Variants in LRRTM4 observed in about 807,000 individuals in gnomAD.
The protein encoded by LRRTM4 is leucine-rich repeat transmembrane neuronal protein 4.
Under a neutral mutation model 47.6 loss-of-function variants are expected in LRRTM4, and 25 were observed. That is an observed-to-expected ratio of 0.53 (90% CI 0.38 to 0.73). LRRTM4 has a LOEUF of 0.73. Ranked by LOEUF, LRRTM4 falls within the 30% of genes least tolerant of loss-of-function variation. The pLI is 0.00. For missense variants in LRRTM4, 638 were observed against 713.4 expected, an observed-to-expected ratio of 0.89 and a Z score of 1.20; for synonymous variants, 311 against 269.5, an observed-to-expected ratio of 1.15 and a Z score of -1.51.
At chr2:77,361,640 G>T (rs1017196104) in intron 3 of LRRTM4, among the ~76,000 whole-genome samples, 1 of 152,040 alleles carries the variant, frequency 6.6e-6, no homozygotes, top group Non-Finnish European at 1.5e-5. Context: ...ACTATGCCTG[G>T]TATAAACTAG....
intron 3 of LRRTM4, among the ~76,000 whole-genome samples, chr2:77,018,103 C>G (rs551157507): frequency 6.6e-6 from 1 of 151,600 alleles, no homozygotes; most frequent in Non-Finnish European, 1.5e-5. Context: ...ATTGAAAGTA[C>G]TATTTTTCCT....
intron 3 of LRRTM4, among the ~76,000 whole-genome samples, chr2:77,438,437 C>G (rs963637908): frequency 6.5e-5 from 8 of 123,938 alleles, no homozygotes; most frequent in Admixed American, 9.3e-5. Flanking sequence ...GATGGAGTCT[C>G]GCTCTGTCGC....
intron 3 of LRRTM4, among the ~76,000 whole-genome samples, chr2:77,133,034 A>T (rs759481392): frequency 3.9e-5 from 6 of 152,188 alleles, no homozygotes; most frequent in Admixed American, 3.3e-4. Context: ...TCTATTTCCC[A>T]GTAAATATCT....
rs528281670 is a variant in LRRTM4 at position 76,893,617 on chromosome 2, T to TCC, written c.1552-144703_1552-144702dup. 1.1e-3 allele frequency among the ~76,000 whole-genome samples: 174 copies of TCC among 151,928 alleles called. 1 individual carries two copies. The highest frequency in any genetic ancestry group is 3.9e-3 in the African/African-American group (164 of 41,526). On this transcript the variant is annotated intron_variant, in intron 3 of 3. Coordinates refer to ENST00000409884, the MANE Select transcript of LRRTM4 (RefSeq NM_001134745.3). ...TCTCCTACAGTTAAGACATGCATCT[T>TCC]CCAAGAATCTAATGAAAACACTTGG...
intron 3 of LRRTM4, among the ~76,000 whole-genome samples, chr2:77,087,354 C>T (rs1248464693): frequency 6.6e-6 from 1 of 152,192 alleles, no homozygotes; most frequent in African/African-American, 2.4e-5. Context: ...AAATCTCACC[C>T]ATAAAAATCT....
intron 3 of LRRTM4, among the ~76,000 whole-genome samples, chr2:76,851,911 CACTT>C (rs769943757): frequency 2.8e-4 from 43 of 152,110 alleles, no homozygotes; most frequent in African/African-American, 6.0e-4. Context: ...ACACAGGAAA[CACTT>C]ACGAGCAAAT....
intron 3 of LRRTM4, among the ~76,000 whole-genome samples, chr2:76,997,060 G>A (rs1182431045): frequency 6.6e-6 from 1 of 152,088 alleles, no homozygotes; most frequent in Admixed American, 6.6e-5. Flanking sequence ...TTTATGCAGA[G>A]CTAGATTTTT....
chr2:77,334,636 C>G (rs2104259557), intron 3 of LRRTM4, among the ~76,000 whole-genome samples: 1 of 152,292 alleles, frequency 6.6e-6, no homozygotes, highest in Admixed American at 6.5e-5. Flanking sequence ...CAATAAATCT[C>G]TGTTTTTTGG....
chr2:76,964,800 A>G (rs991588923), intron 3 of LRRTM4, among the ~76,000 whole-genome samples: 3 of 150,888 alleles, frequency 2.0e-5, no homozygotes, highest in African/African-American at 7.3e-5. Context: ...ATAAAAAACA[A>G]TTAATAAAGA....
At chr2:77,207,423 G>A (rs931510629) in intron 3 of LRRTM4, among the ~76,000 whole-genome samples, 1 of 134,062 alleles carries the variant, frequency 7.5e-6, no homozygotes, top group African/African-American at 2.9e-5. Flanking sequence ...ATTTCATTTT[G>A]TTTTCTTACC....
At chr2:77,327,255 TA>T (rs1156724431) in intron 3 of LRRTM4, among the ~76,000 whole-genome samples, 1 of 152,184 alleles carries the variant, frequency 6.6e-6, no homozygotes, top group East Asian at 1.9e-4. Context: ...GTATAAAATA[TA>T]AAAATGCTAT....
intron 3 of LRRTM4, among the ~76,000 whole-genome samples, chr2:77,099,587 A>T (rs1670898254): frequency 6.6e-6 from 1 of 151,440 alleles, no homozygotes; most frequent in Non-Finnish European, 1.5e-5. Context: ...AATAGAGCTT[A>T]TAATGTTTTA....
At chr2:76,906,447 A>G (rs1442417330) in intron 3 of LRRTM4, among the ~76,000 whole-genome samples, 1 of 152,132 alleles carries the variant, frequency 6.6e-6, no homozygotes, top group Non-Finnish European at 1.5e-5. Flanking sequence ...ACTAACGAGC[A>G]AAATAACCAG....
chr2:77,043,040 C>G (rs1012727889), intron 3 of LRRTM4, among the ~76,000 whole-genome samples: 1 of 151,766 alleles, frequency 6.6e-6, no homozygotes, highest in African/African-American at 2.4e-5. Context: ...TTACTCAGGC[C>G]TAGGAAACCT....
At chr2:77,120,786 A>G (rs1054229601) in intron 3 of LRRTM4, among the ~76,000 whole-genome samples, 1 of 151,870 alleles carries the variant, frequency 6.6e-6, no homozygotes, top group Non-Finnish European at 1.5e-5. Flanking sequence ...CATCTCTGAT[A>G]GAGCCAAATA....
intron 3 of LRRTM4, among the ~76,000 whole-genome samples, chr2:77,056,039 G>T (rs1460170283): frequency 8.3e-6 from 1 of 119,988 alleles, no homozygotes; most frequent in Non-Finnish European, 1.6e-5. Flanking sequence ...GGGGACTGTT[G>T]TGGGGTGGGG....
intron 3 of LRRTM4, among the ~76,000 whole-genome samples, chr2:77,047,969 A>G (rs1024938207): frequency 1.3e-5 from 2 of 152,174 alleles, no homozygotes; most frequent in African/African-American, 2.4e-5. Flanking sequence ...TTTTTCAAAT[A>G]ATGCTCATTT....
intron 3 of LRRTM4, among the ~76,000 whole-genome samples, chr2:77,378,377 T>C: frequency 6.6e-6 from 1 of 152,130 alleles, no homozygotes; most frequent in East Asian, 1.9e-4. Flanking sequence ...TATCTAAGGC[T>C]ATAATTTTAT....
At chr2:77,073,377 T>C (rs1680225589) in intron 3 of LRRTM4, among the ~76,000 whole-genome samples, 1 of 151,646 alleles carries the variant, frequency 6.6e-6, no homozygotes, top group Non-Finnish European at 1.5e-5. Context: ...TTTTGGTCTA[T>C]ATTTCAATCA....
Sources: allele counts gnomAD v4.1 joint callset (sites outside exome capture counted in the v4.1 genomes callset), GRCh38; gene constraint gnomAD v4.1.1; transcripts MANE v1.5; gene names NCBI Gene and HGNC (gene_info 2026-07-23, HGNC 2026-07-21).